Variants in IDH2 observed in about 807,000 individuals in gnomAD.
IDH2 encodes the protein isocitrate dehydrogenase [NADP], mitochondrial.
IDH2 carries 18 observed loss-of-function variants against 50.5 expected under a neutral mutation model. The observed-to-expected ratio is 0.36, with a 90% CI of 0.25 to 0.53. The LOEUF is 0.53. Ranked by LOEUF, IDH2 falls within the 20% of genes least tolerant of loss-of-function variation. The probability of loss-of-function intolerance (pLI) is 0.92; values close to 1 mark genes in which losing one functional copy is unlikely to be tolerated. For missense variants in IDH2, 518 were observed against 610.7 expected, an observed-to-expected ratio of 0.85 and a Z score of 1.60; for synonymous variants, 280 against 239.8, an observed-to-expected ratio of 1.17 and a Z score of -1.55.
At chr15:90,101,838 T>C (rs1901340411) in intron 1 of IDH2, among the ~76,000 whole-genome samples, 1 of 151,938 alleles carries the variant, frequency 6.6e-6, no homozygotes, top group Non-Finnish European at 1.5e-5. Flanking sequence ...TCCCAGCCTT[T>C]GTCTGAGCAG....
intron 3 of IDH2, among the ~76,000 whole-genome samples, chr15:90,089,358 A>C (rs140594272): frequency 4.2e-4 from 64 of 152,344 alleles, no homozygotes; most frequent in African/African-American, 1.4e-3. Context: ...TGCCCGGTCC[A>C]TGCTAAGTGC....
Position 90,084,781 on chromosome 15 carries a change from G to A in IDH2, c.1271+35C>T, listed in dbSNP as rs1400327578. The A allele has an allele frequency of 6.4e-7, 1 of 1,558,644 alleles. No homozygotes were observed. On this transcript the variant is annotated intron_variant, in intron 10 of 10. Coordinates refer to ENST00000330062, the MANE Select transcript of IDH2 (RefSeq NM_002168.4). This position sits in a 1 kb window ranked among gnomAD's most constrained non-coding sequence, Gnocchi z 5.0. ...GGGTCCCCTGGCTTCCTCCCACATGGCCCCAGGGTCTGCCTACCACCCCAG... is the reference window on the plus strand; with the variant it reads ...GGGTCCCCTGGCTTCCTCCCACATGACCCCAGGGTCTGCCTACCACCCCAG...
At chr15:90,094,927 A>C (rs11630814) in intron 1 of IDH2, among the ~76,000 whole-genome samples, 1 of 151,714 alleles carries the variant, frequency 6.6e-6, no homozygotes, top group Admixed American at 6.6e-5. Flanking sequence ...CAAACAAAAA[A>C]AACTGGGTGG....
At chr15:90,090,425 C>T (rs915161060) in intron 3 of IDH2, 54 bp downstream of exon 3, 37 of 1,587,684 alleles carry the variant, frequency 2.3e-5, no homozygotes, top group African/African-American at 8.1e-5. Context: ...CTGGAGAGGC[C>T]GGTGGGAGAA....
intron 6 of IDH2, 80 bp downstream of exon 6, chr15:90,087,359 T>TAGCG: frequency 7.4e-6 from 12 of 1,612,710 alleles, no homozygotes; most frequent in Non-Finnish European, 1.0e-5. Flanking sequence ...TGCACTCTAA[T>TAGCG]AGCGACCTTC....
At chr15:90,096,000 A>G (rs755285673) in intron 1 of IDH2, among the ~76,000 whole-genome samples, 12 of 152,240 alleles carry the variant, frequency 7.9e-5, no homozygotes, top group Non-Finnish European at 1.3e-4. Flanking sequence ...TCAACGTTAA[A>G]ATGGACAGAA....
At position 90,100,631 on chromosome 15, in the gene IDH2, T is replaced by C. The variant is rs1373888678; in HGVS notation, c.115+1645A>G. 7 of 985,444 alleles carry C rather than the reference T, an allele frequency of 7.1e-6. No homozygotes were observed. Among genetic ancestry groups the C allele is most frequent in the African/African-American group, 1.7e-5 (1 of 57,370 alleles). The allele number at this position is 985,444 out of a possible 1,614,324, so 61.0% of individuals were successfully genotyped here. A position where few individuals can be genotyped will look rare whatever the true frequency, so the allele number is the denominator to read the frequency against. On this transcript the variant is annotated intron_variant, in intron 1 of 10. Coordinates refer to ENST00000330062, the MANE Select transcript of IDH2 (RefSeq NM_002168.4). This position sits in a 1 kb window ranked among gnomAD's most constrained non-coding sequence, Gnocchi z 4.1. The stretch of plus-strand genomic sequence containing the variant: ...TATGGCGTTGCAAAATAGGAAAAGA[T>C]GCGTGCAGGAATTACCAGGCAGCAA...
In IDH2 at chr15:90,090,650, G is replaced by A. The variant is rs1009812402; in HGVS notation, c.208-6C>T. The A allele has an allele frequency of 1.2e-6, 2 of 1,614,036 alleles. No homozygotes were observed. Among genetic ancestry groups the A allele is most frequent in the African/African-American group, 1.3e-5 (1 of 74,930 alleles). ...TCCACGTGGGGCAGGATGAGCTGGG[G>A]ACAGAGGGCCAGAGCAAGGCGTCAC... On this transcript the variant is annotated splice_region_variant and splice_polypyrimidine_tract_variant and intron_variant, in intron 2 of 10. Transcript: ENST00000330062.
rs1596074758 is a variant in IDH2, at chr15:90,088,701, C to T, written c.420G>A (p.Arg140=). ...GGAAGACAGTCCCCCCCAGGATGTT[C>T]CGGATAGTTCCATTGGGACTTTTCC... ...KMWKSPNGTI[R]NILGGTVFRE... Residue 140 remains arginine (R), a synonymous_variant, in exon 4 of 11, where the codon CGG becomes CGA. Coordinates refer to ENST00000330062, the MANE Select transcript of IDH2 (RefSeq NM_002168.4). 1 of 1,614,080 alleles carries T rather than the reference C, an allele frequency of 6.2e-7. No homozygotes were observed. The highest frequency in any genetic ancestry group is 8.5e-7 in the Non-Finnish European group (1 of 1,180,030).
intron 5 of IDH2, 148 bp downstream of exon 5, chr15:90,088,211 T>G: frequency 9.6e-7 from 1 of 1,036,876 alleles, no homozygotes; most frequent in Non-Finnish European, 1.5e-6. Flanking sequence ...GGATTACAAG[T>G]GTCAGCCACC....
intron 2 of IDH2, 99 bp downstream of exon 2, chr15:90,091,454 G>C: frequency 1.3e-6 from 1 of 756,334 alleles, no homozygotes; most frequent in East Asian, 2.6e-5. Context: ...CAGGACAACG[G>C]GGGGGTCCTA....
At chr15:90,090,832 G>A (rs1000947282) in intron 2 of IDH2, among the ~76,000 whole-genome samples, 188 bp from the exon 3 acceptor site, 16 of 152,218 alleles carry the variant, frequency 1.1e-4, no homozygotes, top group African/African-American at 3.9e-4. Context: ...GGCCAGAGCT[G>A]GCAGAGGCTG....
rs762004020 is a variant in IDH2 at position 90,088,615 on chromosome 15, G to A, written c.506C>T (p.Thr169Ile). 9 of 1,614,118 alleles carry A rather than the reference G, an allele frequency of 5.6e-6. No homozygotes were observed. The Admixed American group carries it at 1.0e-4, about 18-fold the overall frequency. ...GTCGCCATGGGCGTGCCTGCCAATGGTGATGGGCTTGGTCCAGCCAGGGAC... is the reference window on the plus strand; with the variant it reads ...GTCGCCATGGGCGTGCCTGCCAATGATGATGGGCTTGGTCCAGCCAGGGAC... Reference protein sequence around the residue: ...RLVPGWTKPITIGRHAHGDQY... With the variant: ...RLVPGWTKPIIIGRHAHGDQY... Residue 169 changes from threonine to isoleucine, a missense_variant, in exon 4 of 11, where the codon ACC becomes ATC. By Grantham distance (89) the Thr-to-Ile change is moderately conservative. This residue lies in a region of IDH2 where 207 missense variants were observed against 208.6 expected (regional missense o/e 0.99). Transcript: ENST00000330062.
At chr15:90,102,221 C>T in intron 1 of IDH2, 55 bp downstream of exon 1, 1 of 752,650 alleles carries the variant, frequency 1.3e-6, no homozygotes, top group Non-Finnish European at 1.8e-6. Flanking sequence ...CCTGGGAAGC[C>T]GCCACGTCGC....
At chr15:90,101,614 C>T (rs1427915502) in intron 1 of IDH2, among the ~76,000 whole-genome samples, 1 of 151,020 alleles carries the variant, frequency 6.6e-6, no homozygotes, top group African/African-American at 2.4e-5. Flanking sequence ...CATGTGCCTG[C>T]CAAGGCAGGT....
In IDH2 at chr15:90,084,980, G is replaced by A. The variant is rs200676110; in HGVS notation, c.1178+21C>T. ...CCCAGAGCCTGTCCTGGGCAGCTCC[G>A]GCCTCTCCCTCCATGCTCACCTGAT... On this transcript the variant is annotated intron_variant, in intron 9 of 10. Transcript: ENST00000330062. The surrounding 1 kb of genome is among the most constrained non-coding windows in gnomAD (Gnocchi z 5.0). 2.1e-4 allele frequency: 345 copies of A among 1,612,682 alleles called. No homozygotes were observed. Among genetic ancestry groups the A allele is most frequent in the Non-Finnish European group, 2.6e-4 (306 of 1,178,952 alleles).
At chr15:90,089,949 G>A (rs1304473484) in intron 3 of IDH2, among the ~76,000 whole-genome samples, 1 of 152,114 alleles carries the variant, frequency 6.6e-6, no homozygotes, top group Admixed American at 6.6e-5. Flanking sequence ...AGGCTGCTGA[G>A]GCTCTGAAGG....
chr15:90,091,778 C>T, intron 1 of IDH2, 134 bp from the exon 2 acceptor site: 1 of 763,234 alleles, frequency 1.3e-6, no homozygotes, highest in Non-Finnish European at 2.3e-6. Flanking sequence ...TGTCCACTCC[C>T]CCGTCTGCAA....
chr15:90,087,973 G>C (rs377072522), intron 5 of IDH2, among the ~76,000 whole-genome samples: 17 of 152,256 alleles, frequency 1.1e-4, no homozygotes, highest in African/African-American at 3.9e-4. Flanking sequence ...TTGGCTCAGA[G>C]GTGGTCATGT....
Sources: allele counts gnomAD v4.1 joint callset (sites outside exome capture counted in the v4.1 genomes callset), GRCh38; gene constraint gnomAD v4.1.1; regional missense constraint gnomAD v4.1.1; non-coding constraint Gnocchi (gnomAD v3.1); transcripts MANE v1.5; gene names NCBI Gene and HGNC (gene_info 2026-07-23, HGNC 2026-07-21).